The following CLEC20A variants were observed in gnomAD, a reference collection of about 807,000 sequenced individuals.
CLEC20A encodes the protein putative C-type lectin domain family 20 member A.
At chr1:178,491,734 G>A (rs1393496677) in intron 3 of CLEC20A, among the ~76,000 whole-genome samples, 2 of 152,198 alleles carry the variant, frequency 1.3e-5, no homozygotes, top group African/African-American at 4.8e-5. Flanking sequence ...TATTGCCTCT[G>A]TCATAGATCT....
At chr1:178,494,215 C>T (rs1313055481) in intron 2 of CLEC20A, among the ~76,000 whole-genome samples, 2 of 152,128 alleles carry the variant, frequency 1.3e-5, no homozygotes, top group African/African-American at 2.4e-5. Flanking sequence ...GGCAACATAG[C>T]GAGACCCTGT....
intron 6 of CLEC20A, 26 bp from the exon 7 acceptor site, chr1:178,482,423 AG>A: frequency 2.5e-6 from 1 of 398,540 alleles, no homozygotes; most frequent in South Asian, 1.3e-4. Flanking sequence ...CTACCTGTTC[AG>A]GGGGATATTA....
chr1:178,499,501 C>G, upstream of CLEC20A: 1 of 127,940 alleles, frequency 7.8e-6, no homozygotes, highest in Middle Eastern at 3.6e-3. Flanking sequence ...CAGAAGAACA[C>G]GGAAAAACTA....
At chr1:178,499,508 A>G (rs1245181396), upstream of CLEC20A, 1 of 127,846 alleles carries the variant, frequency 7.8e-6, no homozygotes, top group African/African-American at 5.3e-5. Flanking sequence ...ACACGGAAAA[A>G]CTAGACTGGC....
intron 2 of CLEC20A, 125 bp downstream of exon 2, chr1:178,494,329 G>GA (rs1397009343): frequency 2.5e-6 from 1 of 397,642 alleles, no homozygotes; most frequent in Admixed American, 4.4e-5. Context: ...TGAGGCAGGA[G>GA]AATCACCTGA....
intron 1 of CLEC20A, 58 bp downstream of exon 1, chr1:178,496,841 AG>A (rs1164801975): frequency 3.8e-5 from 15 of 398,522 alleles, no homozygotes; most frequent in Middle Eastern, 1.2e-3. Context: ...CCCTTCCCTC[AG>A]CCTCTAGCCC....
At chr1:178,479,738 CCCTCCAGCTG>C in intron 7 of CLEC20A, 123 bp from the exon 8 acceptor site, 1 of 392,740 alleles carries the variant, frequency 2.5e-6, no homozygotes, top group East Asian at 3.6e-5. Flanking sequence ...TTTTTAGCCT[CCCTCCAGCTG>C]CCTGACTTTT....
chr1:178,495,937 C>T (rs1410395076), intron 1 of CLEC20A: 1 of 152,454 alleles, frequency 6.6e-6, no homozygotes. Context: ...ACAAGGAACC[C>T]TTCAAGCTAA....
chr1:178,494,370 G>A (rs957749994), intron 2 of CLEC20A, 84 bp downstream of exon 2: 1 of 398,420 alleles, frequency 2.5e-6, no homozygotes, highest in African/African-American at 2.1e-5. Context: ...AGTGAGCTAT[G>A]ATCACACCAC....
chr1:178,486,498 G>A (rs1193362932), intron 5 of CLEC20A: 3 of 398,762 alleles, frequency 7.5e-6, no homozygotes, highest in Non-Finnish European at 1.3e-5. Flanking sequence ...GGGCTGCAGA[G>A]TCAGGGGGTG....
chr1:178,486,379 A>G (rs1329344283), intron 5 of CLEC20A: 2 of 398,408 alleles, frequency 5.0e-6, no homozygotes, highest in Admixed American at 4.4e-5. Context: ...ACTCCCCAAG[A>G]TGCTTGGGCC....
At chr1:178,495,735 A>T (rs1649374416) in intron 1 of CLEC20A, among the ~76,000 whole-genome samples, 1 of 152,132 alleles carries the variant, frequency 6.6e-6, no homozygotes, top group African/African-American at 2.4e-5. Flanking sequence ...GGAGGAACTA[A>T]TGAGCAAATC....
At chr1:178,487,022 C>G (rs1649164629) in intron 5 of CLEC20A, 1 of 392,606 alleles carries the variant, frequency 2.5e-6, no homozygotes. Context: ...GAAGCCGGGC[C>G]CTGCGAGGCG....
chr1:178,486,657 T>C, intron 5 of CLEC20A: 2 of 398,504 alleles, frequency 5.0e-6, no homozygotes, highest in Non-Finnish European at 8.8e-6. Flanking sequence ...TGGGAGTAGC[T>C]GGGGCATCGC....
At chr1:178,487,024 T>A (rs987679332) in intron 5 of CLEC20A, 7 of 392,170 alleles carry the variant, frequency 1.8e-5, no homozygotes, top group Admixed American at 1.3e-4. Context: ...AGCCGGGCCC[T>A]GCGAGGCGCC....
intron 5 of CLEC20A, among the ~76,000 whole-genome samples, chr1:178,486,070 C>T (rs1271913911): frequency 6.6e-6 from 1 of 152,202 alleles, no homozygotes; most frequent in Admixed American, 6.5e-5. Context: ...ACAGTAGGTA[C>T]TGGAGCCAAT....
chr1:178,486,742 C>T (rs1302234854), intron 5 of CLEC20A: 1 of 398,590 alleles, frequency 2.5e-6, no homozygotes, highest in Non-Finnish European at 4.4e-6. Flanking sequence ...AGAGAGGCTC[C>T]CCCGAGAGGC....
chr1:178,487,581 G>A (rs886078038), intron 5 of CLEC20A, among the ~76,000 whole-genome samples: 1 of 152,304 alleles, frequency 6.6e-6, no homozygotes, highest in Admixed American at 6.5e-5. Context: ...GACAATTACA[G>A]GGGGGGATGC....
exon 4 of CLEC20A, chr1:178,490,302 T>G (rs1368057702): frequency 5.0e-6 from 2 of 398,596 alleles, no homozygotes; most frequent in African/African-American, 2.1e-5. Flanking sequence ...TCTCAAGGCC[T>G]CCTTGCCTGT....
Sources: gnomAD v4.1 joint callset for allele counts (sites outside exome capture counted in the v4.1 genomes callset) on GRCh38, gnomAD v4.1.1 for gene constraint, MANE v1.5 for transcripts, NCBI Gene and HGNC (gene_info 2026-07-23, HGNC 2026-07-21) for gene names.